Variants in PCLO observed in about 807,000 individuals in gnomAD.
The protein encoded by PCLO is protein piccolo.
In PCLO, 82 loss-of-function variants were observed where a neutral mutation model predicts 427.5. The ratio of observed to expected loss-of-function variants is 0.19; its 90% confidence interval spans 0.16 to 0.23. The LOEUF (loss-of-function observed/expected upper bound fraction) is 0.23. Ranked by LOEUF, PCLO falls within the 10% of genes least tolerant of loss-of-function variation. The pLI is 1.00. For synonymous variants in PCLO, 2,357 were observed against 2,155.4 expected (o/e 1.09, Z -2.59); for missense variants, 6,239 against 6,115.9 (o/e 1.02, Z -0.67).
At chr7:82,861,484 T>C (rs12707526) in intron 10 of PCLO, among the ~76,000 whole-genome samples, 39,051 of 151,832 alleles carry the variant, frequency 0.26, 5,354 homozygotes, top group Middle Eastern at 0.3. Context: ...AACACTGGAT[T>C]ACCCAGATAT....
intron 6 of PCLO, among the ~76,000 whole-genome samples, chr7:82,934,694 A>C (rs1166581365): frequency 1.3e-5 from 2 of 151,712 alleles, no homozygotes; most frequent in Non-Finnish European, 3.0e-5. Context: ...CTACAAAGTC[A>C]AGATCTCTAG....
rs1562769983 is a variant in PCLO at position 82,754,426 on chromosome 7, G to A, written c.*4149C>T. On this transcript the variant is annotated 3_prime_UTR_variant, in exon 25 of 25. Transcript: ENST00000333891. ...AAATTTTTTCTTAAACCTCATATGT[G>A]TTTTTAGGATATTAGCACACACATT... The A allele has an allele frequency of 6.6e-6, 1 of 152,066 alleles. No homozygotes were observed. Among genetic ancestry groups the A allele is most frequent in the African/African-American group, 2.4e-5 (1 of 41,436 alleles). The allele number at this position is 152,066 out of a possible 1,614,324, so 9.4% of individuals were successfully genotyped here.
rs767073368 is a variant in PCLO at position 83,155,493 on chromosome 7, G to A, written c.1148C>T (p.Ser383Leu). 51 of 1,612,758 alleles carry A rather than the reference G, an allele frequency of 3.2e-5. No individual in the cohort carries two copies. Among genetic ancestry groups the A allele is most frequent in the African/African-American group, 2.0e-4 (15 of 74,880 alleles). The change falls in exon 2 of 25, where the codon TCG (serine) becomes TTG (leucine). Residue 383 changes from serine (S) to leucine (L), a missense_variant. Ser to Leu is a moderately radical substitution (Grantham distance 145). Coordinates refer to ENST00000333891, the MANE Select transcript of PCLO (RefSeq NM_033026.6). Reference protein sequence around the residue: ...AQQTGSEKPSSEQPGPKALAQ... With the variant: ...AQQTGSEKPSLEQPGPKALAQ... ...TAAAGCCTTTGGCCCAGGCTGCTCC[G>A]ATGAAGGCTTCTCTGACCCAGTCTG...
chr7:82,999,061 T>C (rs1418104828), intron 3 of PCLO, among the ~76,000 whole-genome samples: 1 of 150,242 alleles, frequency 6.7e-6, no homozygotes, highest in African/African-American at 2.4e-5. Flanking sequence ...GATAGGCTTA[T>C]TAGTATATGG....
intron 3 of PCLO, among the ~76,000 whole-genome samples, chr7:83,093,562 C>G (rs1326030413): frequency 4.2e-5 from 6 of 141,934 alleles, no homozygotes; most frequent in Admixed American, 7.2e-5. Context: ...GCGTGATCTC[C>G]GCTCACTGCA....
chr7:82,931,893 A>G (rs1188580517), intron 6 of PCLO, among the ~76,000 whole-genome samples: 1 of 152,132 alleles, frequency 6.6e-6, no homozygotes, highest in Non-Finnish European at 1.5e-5. Flanking sequence ...TAGGAACCAC[A>G]TAGAAGCTGT....
chr7:82,841,475 A>G lies in PCLO; in HGVS notation c.14081T>C (p.Ile4694Thr), dbSNP rs774074488. 12 of 1,599,590 alleles carry G rather than the reference A, an allele frequency of 7.5e-6. No individual in the cohort carries two copies. The highest frequency in any genetic ancestry group is 1.1e-5 in the South Asian group (1 of 90,740). ...TDGTKVVSHPITGEIQLQINY... is the reference protein window; with the variant it reads ...TDGTKVVSHPTTGEIQLQINY... ...ACTTCATACCTGAATTTCTCCTGTA[A>G]TTGGATGAGAGACAACCTTTGTTCC... is the stretch of plus-strand genomic sequence containing the variant. The change falls in exon 14 of 25, where the codon ATT becomes ACT. Residue 4694 changes from isoleucine (I) to threonine (T), a missense_variant. This residue lies in a region of PCLO where 877 missense variants were observed against 925.5 expected (regional missense o/e 0.95). Coordinates refer to ENST00000333891, the MANE Select transcript of PCLO (RefSeq NM_033026.6).
chr7:83,116,826 C>T (rs1429308962), intron 3 of PCLO, among the ~76,000 whole-genome samples: 1 of 152,168 alleles, frequency 6.6e-6, no homozygotes, highest in Non-Finnish European at 1.5e-5. Flanking sequence ...ATCCTACTCT[C>T]CACTTCTGTG....
intron 24 of PCLO, among the ~76,000 whole-genome samples, chr7:82,759,274 G>T (rs757014494): frequency 6.6e-6 from 1 of 151,710 alleles, no homozygotes; most frequent in Non-Finnish European, 1.5e-5. Flanking sequence ...TTAAAGATGA[G>T]TTGAAGTAAA....
intron 22 of PCLO, among the ~76,000 whole-genome samples, chr7:82,773,777 T>C (rs891549956): frequency 6.6e-6 from 1 of 152,068 alleles, no homozygotes; most frequent in African/African-American, 2.4e-5. Context: ...TTGCCTTCTT[T>C]TGCCCCAAGA....
Position 82,954,076 on chromosome 7 carries a change from A to G in PCLO, c.6877T>C (p.Leu2293=). 2 of 1,613,846 alleles carry G rather than the reference A, an allele frequency of 1.2e-6. No individual in the cohort carries two copies. The highest frequency in any genetic ancestry group is 4.5e-5 in the East Asian group (2 of 44,874). The change falls in exon 5 of 25, where the codon TTA becomes CTA. Residue 2293 remains leucine (L), a synonymous_variant. Transcript: ENST00000333891. The stretch of plus-strand genomic sequence containing the variant: ...ACTGGGTCCTTTTCAGATATAAGTA[A>G]GTCAGTAGAAACAGTGTCAGCAACT... ...GPVADTVSTD[L]LISEKDPVKK...
At chr7:82,902,048 T>C (rs866617077) in intron 9 of PCLO, among the ~76,000 whole-genome samples, 305 of 151,034 alleles carry the variant, frequency 2.0e-3, no homozygotes, top group South Asian at 0.014. Context: ...ACTAGAAATA[T>C]CATTTGACCC....
intron 22 of PCLO, among the ~76,000 whole-genome samples, chr7:82,765,897 A>G (rs199750285): frequency 6.7e-6 from 1 of 149,846 alleles, no homozygotes; most frequent in African/African-American, 2.4e-5. Context: ...TAGCGGGGGG[A>G]GAAAAAAAAG....
intron 10 of PCLO, among the ~76,000 whole-genome samples, chr7:82,847,542 G>A (rs1792536080): frequency 6.6e-6 from 1 of 151,954 alleles, no homozygotes; most frequent in African/African-American, 2.4e-5. Context: ...AAACATTATT[G>A]AATATATATT....
intron 9 of PCLO, among the ~76,000 whole-genome samples, chr7:82,888,987 C>T (rs914264720): frequency 2.3e-5 from 3 of 129,212 alleles, no homozygotes; most frequent in Admixed American, 8.6e-5. Flanking sequence ...TCTGATGTAT[C>T]AGGTCCCCTT....
At chr7:83,043,095 A>G (rs891076630) in intron 3 of PCLO, among the ~76,000 whole-genome samples, 10 of 152,132 alleles carry the variant, frequency 6.6e-5, no homozygotes, top group Admixed American at 2.0e-4. Context: ...CTTCTGTTCA[A>G]TAGATCCTAG....
chr7:82,835,367 T>C (rs1792206517), intron 16 of PCLO, among the ~76,000 whole-genome samples: 1 of 152,046 alleles, frequency 6.6e-6, no homozygotes, highest in African/African-American at 2.4e-5. Flanking sequence ...GCTAAATGAG[T>C]TTTAGTGAAT....
Position 83,096,928 on chromosome 7 carries a change from AATAT to A in PCLO, c.3300+37318_3300+37321del, listed in dbSNP as rs1284792198. ...TATATTATCTAAATATATATAATAT[AATAT>A]AATATATTATATATTATATAAATAA... is the stretch of plus-strand genomic sequence containing the variant. On this transcript the variant is annotated intron_variant, in intron 3 of 24. Transcript: ENST00000333891. 3.8e-3 allele frequency among the ~76,000 whole-genome samples: 248 copies of A among 66,090 alleles called. 19 individuals carry two copies. Among genetic ancestry groups the A allele is most frequent in the East Asian group, 4.6e-3 (8 of 1,730 alleles). 43.4% of individuals were successfully genotyped at this position (66,090 alleles called of 152,430 possible). A position where few individuals can be genotyped will look rare whatever the true frequency, so the allele number is the denominator to read the frequency against.
At position 83,134,456 on chromosome 7, in the gene PCLO, C is replaced by A. The variant is rs908762572; in HGVS notation, c.3094G>T (p.Asp1032Tyr). 2 of 1,613,688 alleles carry A rather than the reference C, an allele frequency of 1.2e-6. No homozygotes were observed. The highest frequency in any genetic ancestry group is 1.7e-5 in the Admixed American group (1 of 59,968). ...GGCTCAGCTGTTAAAGATTTGCTAT[C>A]CTTAATAGGTGGTGGCTTTTTTTCT... ...ETEKKPPPIK[D>Y]SKSLTAEPQK... The change falls in exon 3 of 25, where the codon GAT becomes TAT. Residue 1032 changes from aspartate (D) to tyrosine (Y), a missense_variant. Asp to Tyr is a radical substitution (Grantham distance 160). Transcript: ENST00000333891.
Sources: gnomAD v4.1 joint callset for allele counts (sites outside exome capture counted in the v4.1 genomes callset) on GRCh38, gnomAD v4.1.1 for gene constraint, gnomAD v4.1.1 regional missense constraint, MANE v1.5 for transcripts, NCBI Gene and HGNC (gene_info 2026-07-23, HGNC 2026-07-21) for gene names.